Variants in BPTF observed in about 807,000 individuals in gnomAD.
BPTF encodes the protein nucleosome-remodeling factor subunit BPTF.
In BPTF, 18 loss-of-function variants were observed where a neutral mutation model predicts 292.5. The ratio of observed to expected loss-of-function variants is 0.06; its 90% CI spans 0.04 to 0.09. The LOEUF is 0.09. BPTF is among the 10% of genes least tolerant of loss of function. The pLI is 1.00. For synonymous variants in BPTF, 1,225 were observed against 1,251.9 expected (o/e 0.98, Z 0.45); for missense variants, 2,726 against 3,498.7 (o/e 0.78, Z 5.57).
chr17:67,940,301 A>G, intron 18 of BPTF, 138 bp from the exon 19 acceptor site: 2 of 815,760 alleles, frequency 2.5e-6, no homozygotes, highest in East Asian at 2.7e-5. Context: ...ATATGTCTGA[A>G]TGTATCCTTA....
chr17:67,952,695 GATTATT>G (rs557091526), intron 23 of BPTF, among the ~76,000 whole-genome samples: 1 of 152,020 alleles, frequency 6.6e-6, no homozygotes, highest in Non-Finnish European at 1.5e-5. Context: ...AGCCAATAGT[GATTATT>G]ATTATTATTA....
intron 1 of BPTF, among the ~76,000 whole-genome samples, chr17:67,842,428 G>T (rs1198307762): frequency 6.6e-6 from 1 of 152,008 alleles, no homozygotes; most frequent in Non-Finnish European, 1.5e-5. Context: ...ATTATCAGTT[G>T]TCTGAGTTAC....
chr17:67,938,081 GGCAATAGA>G (rs1282834960), intron 18 of BPTF, among the ~76,000 whole-genome samples: 1 of 152,186 alleles, frequency 6.6e-6, no homozygotes, highest in Non-Finnish European at 1.5e-5. Context: ...CCTCAGCCTG[GGCAATAGA>G]GCGAGACTTC....
chr17:67,880,461 A>T (rs2060326797), intron 4 of BPTF, among the ~76,000 whole-genome samples: 2 of 152,098 alleles, frequency 1.3e-5, no homozygotes, highest in African/African-American at 4.8e-5. Flanking sequence ...CATCCCACAA[A>T]CTTATTTTAT....
At chr17:67,957,650 C>T (rs1451604551) in intron 23 of BPTF, among the ~76,000 whole-genome samples, 1 of 152,228 alleles carries the variant, frequency 6.6e-6, no homozygotes, top group East Asian at 1.9e-4. Context: ...GCAGGCAGAT[C>T]ACTTGAGCTT....
In BPTF at chr17:67,928,338, C is replaced by T. The variant is rs1212972579; in HGVS notation, c.5752-17C>T. On this transcript the variant is annotated splice_polypyrimidine_tract_variant and intron_variant, in intron 15 of 27. Coordinates refer to ENST00000306378, the MANE Select transcript of BPTF (RefSeq NM_182641.4). ...AGAACTATTTTGATTCATGTTTCCTCTCCTTCACTTTTTTAGAAACGACTG... is the reference window on the plus strand; with the variant it reads ...AGAACTATTTTGATTCATGTTTCCTTTCCTTCACTTTTTTAGAAACGACTG... The T allele has an allele frequency of 6.3e-7, 1 of 1,589,268 alleles. No individual in the cohort carries two copies. Among genetic ancestry groups the T allele is most frequent in the Non-Finnish European group, 8.6e-7 (1 of 1,167,962 alleles).
chr17:67,967,482 G>T (rs1404867274), intron 26 of BPTF, among the ~76,000 whole-genome samples: 2 of 151,724 alleles, frequency 1.3e-5, no homozygotes, highest in Non-Finnish European at 2.9e-5. Flanking sequence ...CATTTCTTAG[G>T]ATTTACATGT....
intron 26 of BPTF, among the ~76,000 whole-genome samples, chr17:67,970,937 A>G (rs2068688447): frequency 2.0e-5 from 3 of 152,170 alleles, no homozygotes; most frequent in African/African-American, 7.2e-5. Context: ...CTCCAGGTGA[A>G]AGGGTCTAAG....
At chr17:67,936,494 A>G (rs1028082463) in intron 18 of BPTF, 1 of 152,208 alleles carries the variant, frequency 6.6e-6, no homozygotes, top group Admixed American at 6.5e-5. Context: ...CCTTTGTTGC[A>G]TAATGCCCTA....
At chr17:67,924,734 C>T (rs1048919677) in intron 15 of BPTF, 145 bp downstream of exon 15, 16 of 808,482 alleles carry the variant, frequency 2.0e-5, no homozygotes, top group Middle Eastern at 2.3e-4. Flanking sequence ...AATTCATGCA[C>T]ACCCATGCAC....
intron 2 of BPTF, among the ~76,000 whole-genome samples, chr17:67,862,259 A>G (rs1390045981): frequency 6.6e-6 from 1 of 152,238 alleles, no homozygotes; most frequent in African/African-American, 2.4e-5. Context: ...TACAGGCGTG[A>G]GCCATCGTGC....
At position 67,928,863 on chromosome 17, in the gene BPTF, G is replaced by A. The variant is rs547663639; in HGVS notation, c.5998+262G>A. 801 of 998,826 alleles carry A rather than the reference G, an allele frequency of 8.0e-4. 1 individual carries two copies. The highest frequency in any genetic ancestry group is 9.6e-4 in the Non-Finnish European group (733 of 761,824). The allele number at this position is 998,826 out of a possible 1,614,324, so 61.9% of individuals were successfully genotyped here. A position where few individuals can be genotyped will look rare whatever the true frequency, so the allele number is the denominator to read the frequency against. On this transcript the variant is annotated intron_variant, in intron 16 of 27. Transcript: ENST00000306378. Reference sequence around the variant, plus strand: ...AATGTTTTTATTAAAAATACAAAATGAGCCACATTTCATGCATTGGTGCCC... The same window carrying A: ...AATGTTTTTATTAAAAATACAAAATAAGCCACATTTCATGCATTGGTGCCC...
chr17:67,878,715 A>C (rs2060198309), intron 4 of BPTF, among the ~76,000 whole-genome samples: 2 of 151,848 alleles, frequency 1.3e-5, no homozygotes, highest in South Asian at 4.1e-4. Flanking sequence ...AGTCGTTTAG[A>C]TATCCTCTTT....
intron 19 of BPTF, among the ~76,000 whole-genome samples, 162 bp downstream of exon 19, chr17:67,940,818 T>C (rs1555671652): frequency 6.6e-6 from 1 of 152,188 alleles, no homozygotes; most frequent in Non-Finnish European, 1.5e-5. Context: ...CAGGATATAA[T>C]AAACCCCAAC....
At chr17:67,835,678 T>G (rs1287440217) in intron 1 of BPTF, among the ~76,000 whole-genome samples, 6 of 144,044 alleles carry the variant, frequency 4.2e-5, no homozygotes, top group Non-Finnish European at 6.1e-5. Context: ...TTTTTTTTTT[T>G]TTTTTGAGAC....
chr17:67,874,627 C>G (rs908317350), intron 3 of BPTF, among the ~76,000 whole-genome samples, 190 bp from the exon 4 acceptor site: 8 of 152,010 alleles, frequency 5.3e-5, no homozygotes. Flanking sequence ...GAAGGTACAC[C>G]AAATTGATTG....
At chr17:67,840,496 T>G (rs2057467959) in intron 1 of BPTF, among the ~76,000 whole-genome samples, 1 of 150,950 alleles carries the variant, frequency 6.6e-6, no homozygotes, top group Non-Finnish European at 1.5e-5. Context: ...CTCCTCCGCC[T>G]CCTCCTTCCC....
chr17:67,839,554 A>G (rs1821750030), intron 1 of BPTF, among the ~76,000 whole-genome samples: 1 of 152,198 alleles, frequency 6.6e-6, no homozygotes, highest in Non-Finnish European at 1.5e-5. Flanking sequence ...TTAAAAAGGT[A>G]TTTTAATTTT....
At chr17:67,882,956 C>A (rs1195543696) in intron 4 of BPTF, among the ~76,000 whole-genome samples, 2 of 150,014 alleles carry the variant, frequency 1.3e-5, no homozygotes, top group African/African-American at 4.9e-5. Flanking sequence ...TGAGATCACG[C>A]CACGCCACTG....
Sources: gnomAD v4.1 joint callset for allele counts (sites outside exome capture counted in the v4.1 genomes callset) on GRCh38, gnomAD v4.1.1 for gene constraint, MANE v1.5 for transcripts, NCBI Gene and HGNC (gene_info 2026-07-23, HGNC 2026-07-21) for gene names.